Variants in PPP1R36 observed in about 807,000 individuals in gnomAD.
The protein encoded by PPP1R36 is chromosome 14 open reading frame 50.
A neutral mutation model predicts 53.4 loss-of-function variants in PPP1R36; 47 were observed. The ratio of observed to expected loss-of-function variants is 0.88; its 90% CI spans 0.70 to 1.12. The LOEUF (loss-of-function observed/expected upper bound fraction) is 1.12. PPP1R36 is among the 50% of genes most tolerant of loss of function. The probability of loss-of-function intolerance (pLI) is 0.00; values close to 1 mark genes in which losing one functional copy is unlikely to be tolerated. For missense variants in PPP1R36, 456 were observed against 513.9 expected (o/e 0.89, Z 1.09); for synonymous variants, 153 against 170.5 (o/e 0.90, Z 0.80).
Position 64,586,878 on chromosome 14 carries a change from A to G in PPP1R36, c.710A>G (p.Glu237Gly). ...ACACAGAAAGACTGGAAGTTCTTTG[A>G]GGTGAGTCACTTATGTTTTGGTGCT... ...SDTQKDWKFF[E>G]SFYTFCTYVA... The change falls in exon 9 of 12, where the codon GAG becomes GGG. Residue 237 changes from glutamate (E) to glycine (G), a missense_variant and splice_region_variant. By Grantham distance (98) the Glu-to-Gly change is moderately conservative. Coordinates refer to ENST00000298705, the MANE Select transcript of PPP1R36 (RefSeq NM_172365.3). The G allele has an allele frequency of 6.2e-7, 1 of 1,611,368 alleles. No homozygotes were observed. The highest frequency in any genetic ancestry group is 8.5e-7 in the Non-Finnish European group (1 of 1,177,738).
At chr14:64,561,646 G>A in intron 3 of PPP1R36, 1 of 375,604 alleles carries the variant, frequency 2.7e-6, no homozygotes. Context: ...GAGGGTGCTG[G>A]TATAGTTCAT....
intron 6 of PPP1R36, among the ~76,000 whole-genome samples, chr14:64,567,029 T>G (rs770334498): frequency 3.3e-5 from 5 of 152,266 alleles, no homozygotes; most frequent in Non-Finnish European, 7.3e-5. Flanking sequence ...CTGAGATCAC[T>G]CCCAACTAAA....
intron 3 of PPP1R36, among the ~76,000 whole-genome samples, chr14:64,560,103 CAAAAAAAAAAAAAAAAAAA>C (rs1171697200): frequency 3.6e-5 from 1 of 27,446 alleles, no homozygotes; most frequent in Non-Finnish European, 7.3e-5. Flanking sequence ...GAATCTGTCA[CAAAAAAAAAAAAAAAAAAA>C]AAAAAAAAAA....
chr14:64,568,043 C>T (rs188104996), intron 6 of PPP1R36, among the ~76,000 whole-genome samples: 1 of 152,202 alleles, frequency 6.6e-6, no homozygotes, highest in East Asian at 1.9e-4. Flanking sequence ...CATTTCTCTA[C>T]ATTTTTTAAA....
In PPP1R36 at chr14:64,587,379, C is replaced by A; in HGVS notation, c.890+7C>A. ...TGACTTTTGTTCAGTTCAGGTATGA[C>A]CTTTTGACTTTCCTATGCTCAGGGG... On this transcript the variant is annotated splice_region_variant and intron_variant, in intron 10 of 11. Coordinates refer to ENST00000298705, the MANE Select transcript of PPP1R36 (RefSeq NM_172365.3). The A allele has an allele frequency of 6.4e-7, 1 of 1,561,794 alleles. No homozygotes were observed. Among genetic ancestry groups the A allele is most frequent in the Non-Finnish European group, 8.7e-7 (1 of 1,151,340 alleles).
intron 8 of PPP1R36, among the ~76,000 whole-genome samples, chr14:64,578,073 A>C (rs2080357694): frequency 6.7e-6 from 1 of 149,716 alleles, no homozygotes; most frequent in Non-Finnish European, 1.5e-5. Flanking sequence ...GCTGGAGTGC[A>C]ATGGCGCGAT....
chr14:64,567,981 A>T (rs1298966441), intron 6 of PPP1R36, among the ~76,000 whole-genome samples: 2 of 152,200 alleles, frequency 1.3e-5, no homozygotes, highest in East Asian at 3.8e-4. Context: ...AGTGGTTACC[A>T]CTAGGGAGTA....
intron 3 of PPP1R36, among the ~76,000 whole-genome samples, chr14:64,562,831 T>A (rs2080215204): frequency 6.6e-6 from 1 of 151,974 alleles, no homozygotes; most frequent in Admixed American, 6.6e-5. Context: ...ACCCCCAAAT[T>A]CTATGATTTT....
At chr14:64,561,500 T>A (rs2080205302) in intron 3 of PPP1R36, among the ~76,000 whole-genome samples, 1 of 152,174 alleles carries the variant, frequency 6.6e-6, no homozygotes, top group Non-Finnish European at 1.5e-5. Flanking sequence ...TGGAGAATGG[T>A]TTGAAGGGAG....
chr14:64,563,454 T>TAA (rs34454896), intron 3 of PPP1R36, among the ~76,000 whole-genome samples: 237 of 144,436 alleles, frequency 1.6e-3, no homozygotes, highest in East Asian at 3.8e-3. Flanking sequence ...CCAGTCATCT[T>TAA]AAAAAAAAAA....
chr14:64,564,163 T>C (rs952266385), intron 3 of PPP1R36, among the ~76,000 whole-genome samples: 1 of 152,144 alleles, frequency 6.6e-6, no homozygotes, highest in African/African-American at 2.4e-5. Context: ...TACCTGGAGA[T>C]GGAGATGGCT....
rs140287032 is a variant in PPP1R36 at position 64,574,498 on chromosome 14, T to C, written c.577T>C (p.Leu193=). ...AGAAATGGAATTGGTTTTAAGTGAA[T>C]TAGAAGCAGCACAGAGGTACTTGGC... ...KKEMELVLSE[L]EAAQRYLAQK... The change falls in exon 8 of 12, where the codon TTA becomes CTA. Residue 193 remains leucine (L), a synonymous_variant. Coordinates refer to ENST00000298705, the MANE Select transcript of PPP1R36 (RefSeq NM_172365.3). 1.9e-6 allele frequency: 3 copies of C among 1,613,846 alleles called. No homozygotes were observed. In the African/African-American group the frequency reaches 4.0e-5, roughly 22 times the overall value.
intron 8 of PPP1R36, among the ~76,000 whole-genome samples, chr14:64,577,681 A>G (rs1204674515): frequency 6.6e-6 from 1 of 150,586 alleles, no homozygotes; most frequent in Non-Finnish European, 1.5e-5. Flanking sequence ...TAACATATCC[A>G]ACATCATAGC....
At chr14:64,565,273 T>TC in intron 4 of PPP1R36, 84 bp from the exon 5 acceptor site, 1 of 878,470 alleles carries the variant, frequency 1.1e-6, no homozygotes, top group Non-Finnish European at 1.7e-6. Context: ...TACTTTTTAA[T>TC]AAATGCTTCC....
chr14:64,585,334 G>A (rs1156443412), intron 8 of PPP1R36, among the ~76,000 whole-genome samples: 1 of 152,016 alleles, frequency 6.6e-6, no homozygotes. Context: ...TGGCCAACAT[G>A]GTGAAACCCC....
chr14:64,566,684 G>T (rs746580861), intron 6 of PPP1R36, among the ~76,000 whole-genome samples: 3 of 152,152 alleles, frequency 2.0e-5, no homozygotes, highest in Non-Finnish European at 2.9e-5. Flanking sequence ...AGAGTTGGGT[G>T]CCCGATGCCA....
rs748251301 is a variant in PPP1R36 at position 64,565,394 on chromosome 14, TCAG to T, written c.309_311del (p.Ala104del). 2 of 1,613,512 alleles carry T rather than the reference TCAG, an allele frequency of 1.2e-6. No individual in the cohort carries two copies. Among genetic ancestry groups the T allele is most frequent in the Admixed American group, 1.7e-5 (1 of 60,016 alleles). On this transcript the variant is annotated inframe_deletion, in exon 5 of 12. Coordinates refer to ENST00000298705, the MANE Select transcript of PPP1R36 (RefSeq NM_172365.3). ...AAGACTTGCTGCAAAAGATGATAAGTCAGCTAAAGCTGTAGAGAAACGAGGTCA... is the reference window on the plus strand; with the variant it reads ...AAGACTTGCTGCAAAAGATGATAAGTCTAAAGCTGTAGAGAAACGAGGTCA...
chr14:64,582,432 A>C (rs1447094237), intron 8 of PPP1R36, among the ~76,000 whole-genome samples: 1 of 152,120 alleles, frequency 6.6e-6, no homozygotes. Flanking sequence ...AGGCCACTAA[A>C]ATTCTCTAGA....
chr14:64,552,975 A>AT (rs201070060), intron 3 of PPP1R36, 114 bp downstream of exon 3: 66,986 of 678,016 alleles, frequency 0.099, 2 homozygotes, highest in East Asian at 0.14. Context: ...TTAAGTGCCA[A>AT]TTTTTTTTTT....
Sources: gnomAD v4.1 joint callset for allele counts (sites outside exome capture counted in the v4.1 genomes callset) on GRCh38, gnomAD v4.1.1 for gene constraint, MANE v1.5 for transcripts, NCBI Gene and HGNC (gene_info 2026-07-23, HGNC 2026-07-21) for gene names.